Variants in TRIM5 observed in about 807,000 individuals in gnomAD.
TRIM5 encodes tripartite motif containing 5.
In TRIM5, 31 loss-of-function variants were observed where a neutral mutation model predicts 35.6. That is an observed-to-expected ratio of 0.87 (90% CI 0.65 to 1.18). The LOEUF is 1.18. Ranked by LOEUF, TRIM5 falls within the 50% of genes most tolerant of loss-of-function variation. The pLI, the probability that TRIM5 is intolerant of heterozygous loss-of-function variation, is 0.00. For missense variants in TRIM5, 609 were observed against 591.6 expected (o/e 1.03, Z -0.31); for synonymous variants, 243 against 215.6 (o/e 1.13, Z -1.11).
downstream of TRIM5, among the ~76,000 whole-genome samples, chr11:5,662,133 G>A (rs1850849602): frequency 6.6e-6 from 1 of 152,186 alleles, no homozygotes; most frequent in Non-Finnish European, 1.5e-5. Context: ...AGAGGTGTGT[G>A]CACACACATA....
chr11:5,671,313 A>C (rs199539464), intron 4 of TRIM5, among the ~76,000 whole-genome samples: 3 of 144,164 alleles, frequency 2.1e-5, no homozygotes, highest in South Asian at 2.2e-4. Flanking sequence ...TTAAAAAAAA[A>C]ACACAAAAAA....
the TRIM5 span, among the ~76,000 whole-genome samples, chr11:5,618,261 T>C: frequency 6.6e-6 from 1 of 152,188 alleles, no homozygotes; most frequent in African/African-American, 2.4e-5. Context: ...TTCCAGCTAC[T>C]TGGGAGGCTG....
chr11:5,643,424 A>G, the TRIM5 span: 12 of 1,614,070 alleles, frequency 7.4e-6, no homozygotes, highest in African/African-American at 6.7e-5. Flanking sequence ...ACAGACCTCT[A>G]TTTGGCTACT....
chr11:5,653,478 TTTTTTTTTG>T, the TRIM5 span, among the ~76,000 whole-genome samples: 4 of 150,618 alleles, frequency 2.7e-5, no homozygotes, highest in Admixed American at 6.7e-5. Context: ...TTTTTTCCGA[TTTTTTTTTG>T]TTTTTTTTGT....
chr11:5,665,639 A>C lies in TRIM5; in HGVS notation c.895+17T>G. 1.9e-6 allele frequency: 3 copies of C among 1,563,708 alleles called. No individual in the cohort carries two copies. Among genetic ancestry groups the C allele is most frequent in the Non-Finnish European group, 2.6e-6 (3 of 1,164,200 alleles). The stretch of plus-strand genomic sequence containing the variant: ...ATAAGCCGCAGGGTGGCTTATGATA[A>C]TGTGACTTCTCCTTACCCCAGTAGC... On this transcript the variant is annotated intron_variant, in intron 7 of 7. Coordinates refer to ENST00000380034, the MANE Select transcript of TRIM5 (RefSeq NM_033034.3).
chr11:5,592,933 A>AAAAAAAAAAAG, the TRIM5 span, among the ~76,000 whole-genome samples: 1 of 135,672 alleles, frequency 7.4e-6, no homozygotes, highest in African/African-American at 3.0e-5. Context: ...AAAAAAAAGA[A>AAAAAAAAAAAG]AAAAGAAAAA....
At chr11:5,611,426 T>C in the TRIM5 span, 2 of 1,171,160 alleles carry the variant, frequency 1.7e-6, no homozygotes, top group Non-Finnish European at 2.4e-6. Flanking sequence ...TCTGTTTTTC[T>C]GTGTTCTCAA....
chr11:5,625,900 C>G, the TRIM5 span, among the ~76,000 whole-genome samples: 1 of 152,252 alleles, frequency 6.6e-6, no homozygotes, highest in African/African-American at 2.4e-5. Flanking sequence ...AATTACTTAA[C>G]AGAAGTTGTT....
chr11:5,589,908 G>A, the TRIM5 span: 8,174 of 153,886 alleles, frequency 0.053, 659 homozygotes, highest in African/African-American at 0.17. Context: ...CCGGGTCTGC[G>A]CGCGGCGCTT....
chr11:5,599,383 ATATTTATTTATTTATTTATT>A, the TRIM5 span, among the ~76,000 whole-genome samples: 1 of 146,866 alleles, frequency 6.8e-6, no homozygotes, highest in African/African-American at 2.5e-5. Flanking sequence ...TACAATTATT[ATATTTATTTATTTATTTATT>A]TATTTATTTA....
At chr11:5,649,832 G>T in the TRIM5 span, among the ~76,000 whole-genome samples, 2 of 152,132 alleles carry the variant, frequency 1.3e-5, no homozygotes, top group African/African-American at 4.8e-5. Context: ...AACACCATAT[G>T]TTGGACACTG....
the TRIM5 span, chr11:5,634,008 T>A: frequency 7.7e-6 from 9 of 1,162,158 alleles, no homozygotes; most frequent in African/African-American, 1.5e-5. Context: ...CTGAAGCCAT[T>A]TGATTAGTTC....
At chr11:5,590,367 C>T in the TRIM5 span, 16 of 153,090 alleles carry the variant, frequency 1.0e-4, no homozygotes, top group Non-Finnish European at 2.0e-4. Flanking sequence ...CTTGGAGAAC[C>T]TTTATGTCTA....
At position 5,664,348 on chromosome 11, in the gene TRIM5, C is replaced by T; in HGVS notation, c.*461G>A. 1 of 991,532 alleles carries T rather than the reference C, an allele frequency of 1.0e-6. No homozygotes were observed. Among genetic ancestry groups the T allele is most frequent in the Non-Finnish European group, 1.2e-6 (1 of 833,530 alleles). The allele number at this position is 991,532 out of a possible 1,614,324, so 61.4% of individuals were successfully genotyped here. ...CAAAACCTCTATACTTAAGAGTATA[C>T]CATTTATGATATTTTCTCTTTAACT... On this transcript the variant is annotated 3_prime_UTR_variant, in exon 8 of 8. Transcript: ENST00000380034.
the TRIM5 span, chr11:5,633,788 G>C: frequency 6.2e-7 from 1 of 1,611,670 alleles, no homozygotes; most frequent in African/African-American, 1.3e-5. Flanking sequence ...ACTGTAGTGT[G>C]ATTCCCTTCT....
At chr11:5,596,823 C>T in the TRIM5 span, 1 of 1,611,462 alleles carries the variant, frequency 6.2e-7, no homozygotes, top group African/African-American at 1.3e-5. Context: ...GTTTAAGGTG[C>T]CTTGGATTGC....
intron 1 of TRIM5, among the ~76,000 whole-genome samples, chr11:5,682,878 CTGT>C (rs1852613198): frequency 6.6e-6 from 1 of 152,244 alleles, no homozygotes; most frequent in African/African-American, 2.4e-5. Context: ...CACCGCTGCA[CTGT>C]GGGAGCCCCT....
At chr11:5,679,199 G>A (rs2134114047) in intron 2 of TRIM5, 30 bp from the exon 3 acceptor site, 1 of 1,591,022 alleles carries the variant, frequency 6.3e-7, no homozygotes, top group East Asian at 2.2e-5. Flanking sequence ...CCATAGTCAA[G>A]CTATGAGGTT....
At chr11:5,611,359 A>C in the TRIM5 span, 1 of 1,591,380 alleles carries the variant, frequency 6.3e-7, no homozygotes, top group East Asian at 2.2e-5. Flanking sequence ...TTCTGTTCCC[A>C]CCCACTTCTG....
Sources: gnomAD v4.1 joint callset for allele counts (sites outside exome capture counted in the v4.1 genomes callset) on GRCh38, gnomAD v4.1.1 for gene constraint, MANE v1.5 for transcripts, NCBI Gene and HGNC (gene_info 2026-07-23, HGNC 2026-07-21) for gene names.